The following STARD13 variants were observed in gnomAD, a reference collection of about 807,000 sequenced individuals.
The protein encoded by STARD13 is stAR-related lipid transfer protein 13.
Under a neutral mutation model 106.4 loss-of-function variants are expected in STARD13, and 62 were observed. The ratio of observed to expected loss-of-function variants is 0.58; its 90% confidence interval spans 0.48 to 0.72. The LOEUF (loss-of-function observed/expected upper bound fraction) is 0.72. Among genes scored for constraint, STARD13 ranks in the 30% least tolerant of loss-of-function variants. The pLI, the probability that STARD13 is intolerant of heterozygous loss-of-function variation, is 0.00. For missense variants in STARD13, 1,387 were observed against 1,424.0 expected (o/e 0.97, Z 0.42); for synonymous variants, 565 against 553.0 (o/e 1.02, Z -0.31).
the STARD13 span, among the ~76,000 whole-genome samples, chr13:33,621,071 T>C: frequency 4.6e-5 from 7 of 151,558 alleles, no homozygotes; most frequent in Admixed American, 1.3e-4. Context: ...TCTTAAGAAG[T>C]AGAAAAAGAA....
At chr13:33,532,952 G>C in the STARD13 span, among the ~76,000 whole-genome samples, 1 of 151,672 alleles carries the variant, frequency 6.6e-6, no homozygotes, top group Non-Finnish European at 1.5e-5. Context: ...TTTTTCCAAA[G>C]GGGCTGGGAC....
intron 1 of STARD13, among the ~76,000 whole-genome samples, chr13:33,170,474 C>T (rs1883830838): frequency 6.6e-6 from 1 of 152,130 alleles, no homozygotes; most frequent in Non-Finnish European, 1.5e-5. Flanking sequence ...AACTGAAATC[C>T]TATTCAGATA....
intron 1 of STARD13, among the ~76,000 whole-genome samples, chr13:33,170,654 T>C (rs1883853107): frequency 6.6e-6 from 1 of 152,306 alleles, no homozygotes; most frequent in Non-Finnish European, 1.5e-5. Flanking sequence ...AGCCCTGTCC[T>C]AGCCATGGCA....
At chr13:33,146,154 A>T (rs966760064) in intron 3 of STARD13, among the ~76,000 whole-genome samples, 4 of 152,180 alleles carry the variant, frequency 2.6e-5, no homozygotes, top group Admixed American at 1.3e-4. Flanking sequence ...GTAAAACCCC[A>T]TTTCTACTAA....
At chr13:33,205,666 T>C (rs1887366312) in intron 1 of STARD13, among the ~76,000 whole-genome samples, 1 of 152,222 alleles carries the variant, frequency 6.6e-6, no homozygotes, top group African/African-American at 2.4e-5. Flanking sequence ...CTTTTTAATT[T>C]TAAATCAAGT....
At chr13:33,164,368 A>C (rs1489113356) in intron 3 of STARD13, 1 of 152,212 alleles carries the variant, frequency 6.6e-6, no homozygotes, top group East Asian at 1.9e-4. Flanking sequence ...AAGTTTTGCT[A>C]ATCATTACTT....
chr13:33,519,811 G>A, the STARD13 span: 1 of 152,054 alleles, frequency 6.6e-6, no homozygotes, highest in Admixed American at 6.6e-5. Flanking sequence ...TAAGAGATGA[G>A]GTATTCGTAA....
chr13:33,440,408 C>A, the STARD13 span, among the ~76,000 whole-genome samples: 1 of 152,044 alleles, frequency 6.6e-6, no homozygotes, highest in African/African-American at 2.4e-5. Context: ...CCAGGCCCTG[C>A]GTCACTGTGT....
At chr13:33,263,277 C>A (rs1406468654) in intron 1 of STARD13, among the ~76,000 whole-genome samples, 1 of 152,080 alleles carries the variant, frequency 6.6e-6, no homozygotes, top group Non-Finnish European at 1.5e-5. Context: ...TCAACAGTAT[C>A]TCCAGATATT....
intron 1 of STARD13, among the ~76,000 whole-genome samples, chr13:33,317,070 G>C (rs1893368459): frequency 6.6e-6 from 1 of 152,106 alleles, no homozygotes; most frequent in African/African-American, 2.4e-5. Flanking sequence ...CCTCTGAGGT[G>C]GTGGTGCCTC....
At chr13:33,538,771 A>ATT in the STARD13 span, among the ~76,000 whole-genome samples, 60 of 143,126 alleles carry the variant, frequency 4.2e-4, no homozygotes, top group East Asian at 1.0e-3. Context: ...AAACTATTTA[A>ATT]TTTTTTTTTT....
chr13:33,259,673 C>T (rs2555605), intron 1 of STARD13, among the ~76,000 whole-genome samples: 97,684 of 152,084 alleles, frequency 0.64, 31,838 homozygotes, highest in African/African-American at 0.69. Flanking sequence ...CAAAAAGTGA[C>T]AATACGCTTG....
chr13:33,490,724 C>T, the STARD13 span, among the ~76,000 whole-genome samples: 1 of 152,128 alleles, frequency 6.6e-6, no homozygotes, highest in Non-Finnish European at 1.5e-5. Flanking sequence ...CCAATTTTTC[C>T]GGGACACTGG....
the STARD13 span, among the ~76,000 whole-genome samples, chr13:33,455,510 CT>C: frequency 6.6e-6 from 1 of 152,130 alleles, no homozygotes; most frequent in Non-Finnish European, 1.5e-5. Context: ...ATTTACCGGG[CT>C]TTAGTTTGAA....
the STARD13 span, among the ~76,000 whole-genome samples, chr13:33,639,364 C>T: frequency 3.9e-5 from 6 of 152,176 alleles, no homozygotes; most frequent in Non-Finnish European, 7.3e-5. Flanking sequence ...GTCTGGGAGA[C>T]GGATGATTCA....
chr13:33,302,129 T>A (rs1230005049), intron 1 of STARD13, among the ~76,000 whole-genome samples: 1 of 152,138 alleles, frequency 6.6e-6, no homozygotes, highest in Non-Finnish European at 1.5e-5. Context: ...CATACCTACC[T>A]GGAGGAAGAG....
chr13:33,383,721 C>CTAA, the STARD13 span: 7 of 124,562 alleles, frequency 5.6e-5, no homozygotes, highest in Non-Finnish European at 9.5e-5. Flanking sequence ...TGTGCCATTA[C>CTAA]ACTCCAGTCT....
chr13:33,226,393 A>G lies in STARD13; in HGVS notation c.170-58771T>C, dbSNP rs1830898. Among the ~76,000 whole-genome samples, 295 of 151,766 alleles carry G rather than the reference A, an allele frequency of 1.9e-3. 1 individual carries two copies. Among genetic ancestry groups the G allele is most frequent in the African/African-American group, 6.5e-3 (267 of 41,340 alleles). On this transcript the variant is annotated intron_variant, in intron 1 of 13. Coordinates refer to ENST00000336934, the MANE Select transcript of STARD13 (RefSeq NM_178006.4). ...TAAAAGTCTACTGCCAGCTATTGCC[A>G]TAAGTGTTAGGATACTTGAACAATA...
the STARD13 span, among the ~76,000 whole-genome samples, chr13:33,667,813 T>C: frequency 6.6e-6 from 1 of 152,248 alleles, no homozygotes; most frequent in East Asian, 1.9e-4. Flanking sequence ...AAATGAGCAT[T>C]AGCCTAAAGC....
Sources: allele counts gnomAD v4.1 joint callset (sites outside exome capture counted in the v4.1 genomes callset), GRCh38; gene constraint gnomAD v4.1.1; transcripts MANE v1.5; gene names NCBI Gene and HGNC (gene_info 2026-07-23, HGNC 2026-07-21).